The following EPB41 variants were observed in gnomAD, a reference collection of about 807,000 sequenced individuals.
The protein encoded by EPB41 is erythrocyte membrane protein band 4.1, also known as protein 4.1.
A neutral mutation model predicts 108.0 loss-of-function variants in EPB41; 65 were observed. The observed-to-expected ratio is 0.60, with a 90% CI of 0.49 to 0.74. The LOEUF (loss-of-function observed/expected upper bound fraction) is 0.74. Ranked by LOEUF, EPB41 falls within the 30% of genes least tolerant of loss-of-function variation. The probability of loss-of-function intolerance (pLI) is 0.00; values close to 1 mark genes in which losing one functional copy is unlikely to be tolerated. For synonymous variants in EPB41, 336 were observed against 358.9 expected (o/e 0.94, Z 0.72); for missense variants, 875 against 1,037.0 (o/e 0.84, Z 2.15).
chr1:28,972,291 A>C (rs928309048), intron 1 of EPB41, among the ~76,000 whole-genome samples: 1 of 152,198 alleles, frequency 6.6e-6, no homozygotes, highest in Non-Finnish European at 1.5e-5. Context: ...TTTGTTTCAC[A>C]TTGTCCTCAT....
intron 16 of EPB41, chr1:29,069,194 A>G (rs1242696318): frequency 4.9e-6 from 6 of 1,231,410 alleles, no homozygotes; most frequent in Non-Finnish European, 6.1e-6. Flanking sequence ...CCTGATACAT[A>G]TCACTTAGGG....
rs35413713 is a variant in EPB41 at position 29,092,093 on chromosome 1, CTTTTTTT to C, written c.2185-5699_2185-5693del. ...ACTCATAGGAACACCTTCTTACCTT[CTTTTTTT>C]TTTTTTTTTTTTTTGAGACGGAGTT... On this transcript the variant is annotated intron_variant, in intron 16 of 20. Transcript: ENST00000343067. Among the ~76,000 whole-genome samples the C allele has an allele frequency of 3.4e-4, 38 of 113,160 alleles. No individual in the cohort carries two copies. The East Asian group carries it at 7.6e-3, about 22-fold the overall frequency. The allele number at this position is 113,160 out of a possible 152,430, so 74.2% of individuals were successfully genotyped here.
At chr1:28,979,445 A>T (rs1165444663) in intron 1 of EPB41, among the ~76,000 whole-genome samples, 1 of 151,444 alleles carries the variant, frequency 6.6e-6, no homozygotes, top group Non-Finnish European at 1.5e-5. Flanking sequence ...GCCCCTTCAC[A>T]CATGCCCCTT....
In EPB41 at chr1:29,118,274, A is replaced by T. The variant is rs1033478358; in HGVS notation, c.*1462A>T. On this transcript the variant is annotated 3_prime_UTR_variant, in exon 21 of 21. Transcript: ENST00000343067. ...AGGCGCACACCACCACGCCCAGCAA[A>T]TTTTTTGTATTTTTAGTAGAAACGG... is the stretch of plus-strand genomic sequence containing the variant. 1.3e-5 allele frequency: 2 copies of T among 151,898 alleles called. No individual in the cohort carries two copies. Among genetic ancestry groups the T allele is most frequent in the Non-Finnish European group, 2.9e-5 (2 of 68,014 alleles). The allele number at this position is 151,898 out of a possible 1,614,324, so 9.4% of individuals were successfully genotyped here. A position where few individuals can be genotyped will look rare whatever the true frequency, so the allele number is the denominator to read the frequency against.
chr1:29,095,795 T>C (rs111694634), intron 16 of EPB41, among the ~76,000 whole-genome samples: 11 of 152,074 alleles, frequency 7.2e-5, no homozygotes, highest in African/African-American at 2.7e-4. Context: ...GAATATATTT[T>C]GATTGATGCA....
chr1:29,003,959 C>G (rs2096352851), intron 4 of EPB41, among the ~76,000 whole-genome samples: 1 of 152,174 alleles, frequency 6.6e-6, no homozygotes, highest in South Asian at 2.1e-4. Context: ...GACAGAGTTT[C>G]ACCATGTTGG....
intron 1 of EPB41, among the ~76,000 whole-genome samples, chr1:28,922,829 A>G (rs1253001027): frequency 6.6e-6 from 1 of 151,566 alleles, no homozygotes; most frequent in African/African-American, 2.4e-5. Flanking sequence ...GGGTTTCACC[A>G]TATTGGCCAG....
intron 1 of EPB41, among the ~76,000 whole-genome samples, chr1:28,947,408 G>GACAAACAA (rs61120635): frequency 4.3e-4 from 65 of 149,740 alleles, no homozygotes; most frequent in Middle Eastern, 3.4e-3. Flanking sequence ...CTCCGTCTCA[G>GACAAACAA]ACAAACAAAC....
chr1:28,892,786 T>A (rs923979265), intron 1 of EPB41, among the ~76,000 whole-genome samples: 7 of 149,964 alleles, frequency 4.7e-5, no homozygotes, highest in African/African-American at 1.7e-4. Flanking sequence ...AAGTCAGGAT[T>A]TTCCCAGGTT....
At chr1:29,053,383 C>T (rs754635923) in intron 12 of EPB41, 71 bp downstream of exon 12, 185 of 1,547,694 alleles carry the variant, frequency 1.2e-4, no homozygotes, top group South Asian at 1.4e-4. Flanking sequence ...TGACCAGGAA[C>T]GTTTTCAAAG....
intron 1 of EPB41, among the ~76,000 whole-genome samples, chr1:28,900,736 C>T (rs1056915994): frequency 1.3e-5 from 2 of 152,064 alleles, no homozygotes; most frequent in African/African-American, 4.8e-5. Context: ...TCCCACTAGG[C>T]CCCTCAGCTG....
intron 16 of EPB41, among the ~76,000 whole-genome samples, chr1:29,073,682 A>G (rs576295126): frequency 6.6e-6 from 1 of 152,290 alleles, no homozygotes; most frequent in East Asian, 1.9e-4. Context: ...CCAAGCATCT[A>G]TATTTTGGGC....
intron 1 of EPB41, among the ~76,000 whole-genome samples, chr1:28,904,760 G>A (rs1278499573): frequency 2.6e-5 from 4 of 152,050 alleles, no homozygotes; most frequent in African/African-American, 4.8e-5. Context: ...TTGGCCAGCC[G>A]TGGTGGCTCA....
At chr1:29,001,753 C>T (rs909329569) in intron 4 of EPB41, among the ~76,000 whole-genome samples, 9 of 152,068 alleles carry the variant, frequency 5.9e-5, no homozygotes, top group South Asian at 2.1e-4. Context: ...GACTTTTGTT[C>T]GTCTCCCTCC....
chr1:28,907,185 C>T (rs1237889344), intron 1 of EPB41, among the ~76,000 whole-genome samples: 1 of 152,046 alleles, frequency 6.6e-6, no homozygotes, highest in Non-Finnish European at 1.5e-5. Context: ...GTTACTCAGC[C>T]TCCCAAGTAG....
At chr1:29,105,417 T>A (rs898879115) in intron 17 of EPB41, among the ~76,000 whole-genome samples, 1 of 152,016 alleles carries the variant, frequency 6.6e-6, no homozygotes, top group African/African-American at 2.4e-5. Context: ...TTTGTATTTT[T>A]AGTAGAGACG....
intron 4 of EPB41, 145 bp from the exon 5 acceptor site, chr1:29,011,720 T>C: frequency 1.1e-6 from 1 of 887,244 alleles, no homozygotes; most frequent in South Asian, 1.8e-5. Context: ...ATCACTATGC[T>C]TTGTGAAATT....
chr1:29,078,537 T>A (rs1345854667), intron 16 of EPB41, among the ~76,000 whole-genome samples: 1 of 151,892 alleles, frequency 6.6e-6, no homozygotes, highest in Non-Finnish European at 1.5e-5. Flanking sequence ...GGCAGGAGGA[T>A]CACTTGAGGC....
intron 1 of EPB41, among the ~76,000 whole-genome samples, chr1:28,970,994 C>T (rs1349763201): frequency 5.3e-5 from 8 of 151,446 alleles, no homozygotes; most frequent in African/African-American, 1.2e-4. Context: ...ATTACAGGCG[C>T]GTGCCACTAC....
Sources: allele counts gnomAD v4.1 joint callset (sites outside exome capture counted in the v4.1 genomes callset), GRCh38; gene constraint gnomAD v4.1.1; transcripts MANE v1.5; gene names NCBI Gene and HGNC (gene_info 2026-07-23, HGNC 2026-07-21).